GAS7: variants seen among roughly 807,000 people sequenced by gnomAD.
The protein encoded by GAS7 is growth arrest specific 7, also known as growth arrest-specific protein 7.
Under a neutral mutation model 71.1 loss-of-function variants are expected in GAS7, and 28 were observed. The ratio of observed to expected loss-of-function variants is 0.39; its 90% CI spans 0.29 to 0.54. GAS7 has a LOEUF of 0.54. Ranked by LOEUF, GAS7 falls within the 20% of genes least tolerant of loss-of-function variation. The probability of loss-of-function intolerance (pLI) is 0.62; values close to 1 mark genes in which losing one functional copy is unlikely to be tolerated. For missense variants in GAS7, 436 were observed against 627.8 expected, an observed-to-expected ratio of 0.69 and a Z score of 3.27; for synonymous variants, 258 against 245.8, an observed-to-expected ratio of 1.05 and a Z score of -0.46.
intron 1 of GAS7, among the ~76,000 whole-genome samples, chr17:10,097,732 G>A (rs965140096): frequency 3.9e-5 from 6 of 152,120 alleles, no homozygotes; most frequent in African/African-American, 1.4e-4. Flanking sequence ...CTCTGGGTCA[G>A]GGGGTGGGTG....
At chr17:10,072,066 A>T (rs1176840006) in intron 1 of GAS7, among the ~76,000 whole-genome samples, 1 of 152,172 alleles carries the variant, frequency 6.6e-6, no homozygotes, top group African/African-American at 2.4e-5. Flanking sequence ...ACCATTCTCT[A>T]TCACAGTAGT....
chr17:9,963,055 A>G (rs4791919), intron 4 of GAS7, among the ~76,000 whole-genome samples: 3 of 144,024 alleles, frequency 2.1e-5, no homozygotes, highest in East Asian at 2.0e-4. Flanking sequence ...AAAAAAAAAG[A>G]AAAAAAGGTG....
intron 4 of GAS7, among the ~76,000 whole-genome samples, chr17:9,964,523 C>T (rs1398220507): frequency 6.6e-6 from 1 of 152,176 alleles, no homozygotes; most frequent in Non-Finnish European, 1.5e-5. Flanking sequence ...CACGGTTCCC[C>T]CTTGCTGCCT....
chr17:10,102,359 T>G (rs902318105), intron 1 of GAS7, among the ~76,000 whole-genome samples: 4 of 152,084 alleles, frequency 2.6e-5, no homozygotes, highest in Non-Finnish European at 5.9e-5. Flanking sequence ...AGTCTGGAAT[T>G]TTCAAGGAGA....
rs192703633 is a variant in GAS7 at position 10,103,518 on chromosome 17, T to C, written c.184-83621A>G. 4.6e-5 allele frequency among the ~76,000 whole-genome samples: 7 copies of C among 151,788 alleles called. No homozygotes were observed. Among genetic ancestry groups the C allele is most frequent in the Admixed American group, 3.9e-4 (6 of 15,226 alleles). ...TGATGGGAAATGTTTTCTCTCACAC[T>C]TCACTTAGAAAGATAGGAACAACCC... On this transcript the variant is annotated intron_variant, in intron 1 of 13. Coordinates refer to ENST00000432992, the MANE Select transcript of GAS7 (RefSeq NM_201433.2). This position sits in a 1 kb window ranked among gnomAD's most constrained non-coding sequence, Gnocchi z 5.5.
intron 1 of GAS7, among the ~76,000 whole-genome samples, chr17:10,107,542 GCA>G (rs2073769912): frequency 6.6e-6 from 1 of 151,958 alleles, no homozygotes; most frequent in Admixed American, 6.5e-5. Flanking sequence ...TAGTCCAGTG[GCA>G]GGCTGAGCAG....
At chr17:10,158,203 CG>C (rs2074219594) in intron 1 of GAS7, among the ~76,000 whole-genome samples, 1 of 151,760 alleles carries the variant, frequency 6.6e-6, no homozygotes, top group Non-Finnish European at 1.5e-5. Context: ...TTAGTAGAGA[CG>C]GGGTTTCACC....
chr17:9,938,947 A>T (rs8064739), intron 8 of GAS7, among the ~76,000 whole-genome samples: 6 of 152,120 alleles, frequency 3.9e-5, no homozygotes, highest in African/African-American at 1.4e-4. Context: ...AGCATGTATT[A>T]GTGTTCCATT....
chr17:10,052,768 A>G (rs2073079925), intron 1 of GAS7, among the ~76,000 whole-genome samples: 1 of 152,140 alleles, frequency 6.6e-6, no homozygotes, highest in Non-Finnish European at 1.5e-5. Flanking sequence ...TGCTCTGTCT[A>G]GTGGGCCAGG....
At chr17:10,053,808 G>T (rs2073097124) in intron 1 of GAS7, among the ~76,000 whole-genome samples, 1 of 152,134 alleles carries the variant, frequency 6.6e-6, no homozygotes, top group Admixed American at 6.5e-5. Flanking sequence ...TCCCCCATGG[G>T]TCTTAAAAGG....
chr17:10,047,672 A>C (rs529785668), intron 1 of GAS7, among the ~76,000 whole-genome samples: 55 of 152,354 alleles, frequency 3.6e-4, no homozygotes, highest in African/African-American at 1.3e-3. Context: ...AGCAAATCAT[A>C]ACAGGAAAAA....
At chr17:10,008,819 C>T (rs373119997) in intron 2 of GAS7, among the ~76,000 whole-genome samples, 7 of 152,072 alleles carry the variant, frequency 4.6e-5, no homozygotes, top group African/African-American at 1.7e-4. Context: ...ACGCACGCAA[C>T]CCTAATTTAA....
At chr17:10,093,616 G>A (rs1419913950) in intron 1 of GAS7, among the ~76,000 whole-genome samples, 2 of 148,954 alleles carry the variant, frequency 1.3e-5, no homozygotes, top group Non-Finnish European at 3.0e-5. Flanking sequence ...ATCAAAATCA[G>A]GAGCTCCCAT....
intron 2 of GAS7, among the ~76,000 whole-genome samples, chr17:9,990,377 C>T (rs375807808): frequency 3.9e-5 from 6 of 152,316 alleles, no homozygotes; most frequent in South Asian, 2.1e-4. Flanking sequence ...CCAGAGCGAG[C>T]GAGCCAGGGG....
chr17:9,973,584 T>C (rs2070062305), intron 3 of GAS7, among the ~76,000 whole-genome samples: 1 of 152,186 alleles, frequency 6.6e-6, no homozygotes, highest in Non-Finnish European at 1.5e-5. Flanking sequence ...TGCAAGAACA[T>C]ATGACTTATA....
chr17:10,128,714 G>A (rs2073972204), intron 1 of GAS7, among the ~76,000 whole-genome samples: 1 of 151,564 alleles, frequency 6.6e-6, no homozygotes, highest in African/African-American at 2.4e-5. Flanking sequence ...CCGCCTCCCG[G>A]GTTCACACCA....
intron 2 of GAS7, among the ~76,000 whole-genome samples, chr17:10,006,127 C>T (rs1307496901): frequency 2.0e-5 from 3 of 151,934 alleles, no homozygotes; most frequent in African/African-American, 7.3e-5. Context: ...AATTAGGATG[C>T]CCCAGTCTAA....
At chr17:10,144,201 C>G (rs2074104974) in intron 1 of GAS7, among the ~76,000 whole-genome samples, 1 of 152,204 alleles carries the variant, frequency 6.6e-6, no homozygotes, top group African/African-American at 2.4e-5. Context: ...GGGTCCTGTT[C>G]AAAGCTGGGG....
At chr17:10,009,137 G>A (rs1468149251) in intron 2 of GAS7, among the ~76,000 whole-genome samples, 10 of 151,650 alleles carry the variant, frequency 6.6e-5, no homozygotes, top group Admixed American at 3.9e-4. Flanking sequence ...CGGCTAAAAC[G>A]GTGAAACCCC....
Sources: gnomAD v4.1 joint callset for allele counts (sites outside exome capture counted in the v4.1 genomes callset) on GRCh38, gnomAD v4.1.1 for gene constraint, Gnocchi (gnomAD v3.1) non-coding constraint, MANE v1.5 for transcripts, NCBI Gene and HGNC (gene_info 2026-07-23, HGNC 2026-07-21) for gene names.